CADPS2: variants seen among roughly 807,000 people sequenced by gnomAD.
CADPS2 encodes calcium-dependent secretion activator 2.
CADPS2 carries 93 observed loss-of-function variants against 172.5 expected under a neutral mutation model. The ratio of observed to expected loss-of-function variants is 0.54; its 90% confidence interval spans 0.46 to 0.64. The LOEUF (loss-of-function observed/expected upper bound fraction) is 0.64. Among genes scored for constraint, CADPS2 ranks in the 30% least tolerant of loss-of-function variants. The probability of loss-of-function intolerance (pLI) is 0.00; values close to 1 mark genes in which losing one functional copy is unlikely to be tolerated. For missense variants in CADPS2, 1,420 were observed against 1,565.9 expected, an observed-to-expected ratio of 0.91 and a Z score of 1.57; for synonymous variants, 546 against 555.2, an observed-to-expected ratio of 0.98 and a Z score of 0.23.
rs778216718 is a variant in CADPS2 at position 122,697,991 on chromosome 7, C to A, written c.454-34422G>T. On this transcript the variant is annotated intron_variant, in intron 2 of 29. Coordinates refer to ENST00000449022, the MANE Select transcript of CADPS2 (RefSeq NM_017954.11). ...TGCAAAGGTTCTGTTCCATTTTCAA[C>A]AACCACTTGAATCCCCAAAACTTTA... is the stretch of plus-strand genomic sequence containing the variant. The A allele has an allele frequency of 7.4e-6, 12 of 1,613,374 alleles. No individual in the cohort carries two copies. Among genetic ancestry groups the A allele is most frequent in the Non-Finnish European group, 1.0e-5 (12 of 1,179,760 alleles).
At chr7:122,488,989 A>T (rs1395353538) in intron 11 of CADPS2, among the ~76,000 whole-genome samples, 1 of 152,182 alleles carries the variant, frequency 6.6e-6, no homozygotes, top group African/African-American at 2.4e-5. Flanking sequence ...AAAACATCAG[A>T]ATGTGCTCTT....
At chr7:122,428,874 G>A (rs905937013) in intron 17 of CADPS2, among the ~76,000 whole-genome samples, 3 of 152,138 alleles carry the variant, frequency 2.0e-5, no homozygotes, top group Non-Finnish European at 4.4e-5. Flanking sequence ...AAGCATTTGT[G>A]TGACTATCTG....
At chr7:122,484,473 A>T (rs2152278210) in intron 11 of CADPS2, among the ~76,000 whole-genome samples, 1 of 152,256 alleles carries the variant, frequency 6.6e-6, no homozygotes, top group East Asian at 1.9e-4. Flanking sequence ...ATACTGATGG[A>T]TACCTCTCAC....
intron 2 of CADPS2, among the ~76,000 whole-genome samples, chr7:122,717,825 T>C (rs1048940518): frequency 1.9e-4 from 29 of 152,058 alleles, no homozygotes; most frequent in African/African-American, 6.5e-4. Context: ...TTTTGTCTGT[T>C]TGAAGACAAG....
At chr7:122,631,289 TA>T (rs1179153360) in intron 3 of CADPS2, among the ~76,000 whole-genome samples, 1 of 152,210 alleles carries the variant, frequency 6.6e-6, no homozygotes, top group Non-Finnish European at 1.5e-5. Flanking sequence ...TTTAATATCT[TA>T]AAAGGCCACA....
At chr7:122,541,939 G>A (rs2063138639) in intron 8 of CADPS2, among the ~76,000 whole-genome samples, 1 of 142,546 alleles carries the variant, frequency 7.0e-6, no homozygotes, top group African/African-American at 2.8e-5. Flanking sequence ...TGCAACAGAA[G>A]AATATCTAAA....
chr7:122,497,261 A>G (rs764208396), intron 9 of CADPS2, among the ~76,000 whole-genome samples: 13 of 152,108 alleles, frequency 8.5e-5, no homozygotes, highest in Non-Finnish European at 1.3e-4. Context: ...AAAGCCCTGA[A>G]AATCTAGTCT....
chr7:122,714,484 T>A (rs28431138), intron 2 of CADPS2, among the ~76,000 whole-genome samples: 28 of 152,112 alleles, frequency 1.8e-4, no homozygotes, highest in African/African-American at 5.1e-4. Context: ...ATCATTTTTT[T>A]AAAAAAACAA....
chr7:122,416,817 C>G (rs557876045), intron 17 of CADPS2, among the ~76,000 whole-genome samples: 1 of 152,206 alleles, frequency 6.6e-6, no homozygotes, highest in South Asian at 2.1e-4. Context: ...AAGGAGAGAC[C>G]ACAATAAGAT....
intron 2 of CADPS2, among the ~76,000 whole-genome samples, chr7:122,677,676 A>G (rs1229169253): frequency 6.6e-6 from 1 of 152,234 alleles, no homozygotes; most frequent in Non-Finnish European, 1.5e-5. Flanking sequence ...AAACCCAAAA[A>G]GCATACAGAA....
At chr7:122,321,168 C>A (rs902796164) in intron 29 of CADPS2, among the ~76,000 whole-genome samples, 1 of 151,810 alleles carries the variant, frequency 6.6e-6, no homozygotes, top group Admixed American at 6.6e-5. Flanking sequence ...GATTGATTGA[C>A]TGATTGATTG....
chr7:122,738,774 A>G (rs1479387630), intron 1 of CADPS2, among the ~76,000 whole-genome samples: 1 of 151,462 alleles, frequency 6.6e-6, no homozygotes, highest in South Asian at 2.1e-4. Context: ...CAAATAAGAC[A>G]GTTTTTAAAG....
intron 1 of CADPS2, 147 bp downstream of exon 1, chr7:122,885,852 T>C: frequency 1.0e-6 from 1 of 999,096 alleles, no homozygotes; most frequent in Non-Finnish European, 1.5e-6. Context: ...AAGCACCGTC[T>C]TGTCCCCAAA....
intron 8 of CADPS2, among the ~76,000 whole-genome samples, chr7:122,527,580 A>AAGAGAGAGAG (rs1192583104): frequency 6.7e-4 from 57 of 84,990 alleles, no homozygotes; most frequent in South Asian, 3.0e-3. Context: ...GATAATACTG[A>AAGAGAGAGAG]ATAGAGAGAG....
intron 3 of CADPS2, among the ~76,000 whole-genome samples, chr7:122,654,350 G>A (rs567676606): frequency 1.9e-3 from 296 of 152,286 alleles, no homozygotes; most frequent in Non-Finnish European, 2.6e-3. Flanking sequence ...GCCATCTAGG[G>A]TTTTCATAGC....
intron 15 of CADPS2, among the ~76,000 whole-genome samples, chr7:122,443,625 G>T (rs1586091243): frequency 8.0e-6 from 1 of 124,824 alleles, no homozygotes. Context: ...TATACACATA[G>T]TTTAAAGAGG....
intron 8 of CADPS2, among the ~76,000 whole-genome samples, chr7:122,523,527 G>A (rs191373933): frequency 5.9e-5 from 9 of 152,002 alleles, no homozygotes; most frequent in East Asian, 1.9e-4. Context: ...ATATTTATAC[G>A]ACTGTATAAA....
At chr7:122,769,311 C>G (rs762338900) in intron 1 of CADPS2, among the ~76,000 whole-genome samples, 7 of 152,180 alleles carry the variant, frequency 4.6e-5, no homozygotes, top group Non-Finnish European at 1.5e-5. Context: ...CTCCAAATTC[C>G]TAACAGGATA....
At chr7:122,608,213 T>TAA (rs59329850) in intron 6 of CADPS2, among the ~76,000 whole-genome samples, 30,202 of 140,454 alleles carry the variant, frequency 0.22, 3,358 homozygotes, top group East Asian at 0.39. Flanking sequence ...AGACTCCGTC[T>TAA]AAAAAAAAAA....
Sources: allele counts gnomAD v4.1 joint callset (sites outside exome capture counted in the v4.1 genomes callset), GRCh38; gene constraint gnomAD v4.1.1; transcripts MANE v1.5; gene names NCBI Gene and HGNC (gene_info 2026-07-23, HGNC 2026-07-21).